KSR1: variants seen among roughly 807,000 people sequenced by gnomAD.
KSR1 encodes the protein kinase suppressor of ras.
KSR1 carries 35 observed loss-of-function variants against 92.9 expected under a neutral mutation model. The observed-to-expected ratio is 0.38, with a 90% CI of 0.29 to 0.50. KSR1 has a LOEUF of 0.50. Among genes scored for constraint, KSR1 ranks in the 20% least tolerant of loss-of-function variants. The pLI is 0.94. For missense variants in KSR1, 972 were observed against 1,158.5 expected (o/e 0.84, Z 2.34); for synonymous variants, 467 against 472.6 (o/e 0.99, Z 0.15).
At chr17:27,563,169 A>G (rs113869678) in intron 2 of KSR1, among the ~76,000 whole-genome samples, 20 of 151,824 alleles carry the variant, frequency 1.3e-4, no homozygotes, top group African/African-American at 4.8e-4. Context: ...TCCACTCTTT[A>G]CCCTCTTGAT....
chr17:27,484,271 G>A (rs1047336718), intron 1 of KSR1, among the ~76,000 whole-genome samples: 1 of 152,180 alleles, frequency 6.6e-6, no homozygotes, highest in Non-Finnish European at 1.5e-5. Context: ...TCGCTCTGTC[G>A]CCCAGGCTGG....
intron 6 of KSR1, among the ~76,000 whole-genome samples, chr17:27,590,395 G>A (rs1850665886): frequency 6.6e-6 from 1 of 152,192 alleles, no homozygotes; most frequent in South Asian, 2.1e-4. Flanking sequence ...TCCTATTGAT[G>A]GACACATAGG....
At position 27,559,969 on chromosome 17, in the gene KSR1, A is replaced by C. The variant is rs1567828009; in HGVS notation, c.372+9261A>C. Among the ~76,000 whole-genome samples the C allele has an allele frequency of 1.3e-5, 2 of 152,202 alleles. No individual in the cohort carries two copies. Among genetic ancestry groups the C allele is most frequent in the African/African-American group, 4.8e-5 (2 of 41,440 alleles). ...AGAGGGGCAGGAATTCCAAATGAACATTAGAATTGTTTAAAGGAAAATAAA... is the reference window on the plus strand; with the variant it reads ...AGAGGGGCAGGAATTCCAAATGAACCTTAGAATTGTTTAAAGGAAAATAAA... On this transcript the variant is annotated intron_variant, in intron 2 of 20. Transcript: ENST00000644974. This position sits in a 1 kb window ranked among gnomAD's most constrained non-coding sequence, Gnocchi z 4.2.
At chr17:27,553,097 C>T (rs1262020352) in intron 2 of KSR1, among the ~76,000 whole-genome samples, 2 of 152,218 alleles carry the variant, frequency 1.3e-5, no homozygotes, top group Non-Finnish European at 2.9e-5. Context: ...TGCCTGGATT[C>T]AGGCACCTGG....
chr17:27,585,454 C>A (rs2072929850), intron 4 of KSR1, among the ~76,000 whole-genome samples: 1 of 152,082 alleles, frequency 6.6e-6, no homozygotes, highest in African/African-American at 2.4e-5. Flanking sequence ...CTGGGGAATG[C>A]CCTTCTAGTC....
chr17:27,572,424 T>C (rs892827975), intron 2 of KSR1, among the ~76,000 whole-genome samples: 2 of 152,252 alleles, frequency 1.3e-5, no homozygotes, highest in African/African-American at 2.4e-5. Context: ...TTCCATATTT[T>C]GTTCTTTAGA....
intron 9 of KSR1, among the ~76,000 whole-genome samples, chr17:27,596,431 A>G (rs999544838): frequency 4.6e-5 from 7 of 152,240 alleles, no homozygotes; most frequent in Non-Finnish European, 1.5e-5. Context: ...CATGGCAAGC[A>G]CTGGTTGATG....
chr17:27,611,040 A>G (rs908587200), intron 17 of KSR1, among the ~76,000 whole-genome samples: 2 of 152,182 alleles, frequency 1.3e-5, no homozygotes, highest in East Asian at 1.9e-4. Flanking sequence ...TATCCTTCCC[A>G]GTGGGGTGGC....
chr17:27,474,771 C>T (rs1051779420), intron 1 of KSR1, among the ~76,000 whole-genome samples: 13 of 152,238 alleles, frequency 8.5e-5, no homozygotes, highest in African/African-American at 2.9e-4. Context: ...GTGGAACTTA[C>T]GCTTCAGTGT....
intron 14 of KSR1, 103 bp downstream of exon 14, chr17:27,605,916 A>G (rs1170954230): frequency 4.3e-6 from 6 of 1,410,242 alleles, no homozygotes; most frequent in Non-Finnish European, 5.7e-6. Context: ...AAGTTCTAAT[A>G]GAGGCATAAA....
At chr17:27,549,450 T>C (rs1205958203) in intron 1 of KSR1, among the ~76,000 whole-genome samples, 4 of 152,224 alleles carry the variant, frequency 2.6e-5, no homozygotes, top group Admixed American at 1.3e-4. Context: ...CATGCCCTCC[T>C]TGTGCTTCTC....
intron 2 of KSR1, among the ~76,000 whole-genome samples, chr17:27,565,480 A>G (rs1366678201): frequency 6.6e-6 from 1 of 152,240 alleles, no homozygotes. Flanking sequence ...GCTGGAGTGC[A>G]TTGGCACAAT....
intron 1 of KSR1, among the ~76,000 whole-genome samples, chr17:27,515,611 G>GTTTTTTTTTT (rs770675553): frequency 7.2e-4 from 78 of 109,014 alleles, no homozygotes; most frequent in African/African-American, 1.2e-3. Flanking sequence ...CTGCTTCGTA[G>GTTTTTTTTTT]TTTTTTTTTT....
At chr17:27,525,108 G>C (rs2070207582) in intron 1 of KSR1, among the ~76,000 whole-genome samples, 1 of 152,208 alleles carries the variant, frequency 6.6e-6, no homozygotes, top group Admixed American at 6.5e-5. Context: ...TAATTTGCAG[G>C]CCACTTATTT....
chr17:27,607,375 G>A lies in KSR1; in HGVS notation c.1995-539G>A, dbSNP rs573648113. 6.0e-4 allele frequency among the ~76,000 whole-genome samples: 91 copies of A among 152,100 alleles called. 2 individuals carry two copies. The South Asian group carries it at 0.017, about 29-fold the overall frequency. The stretch of plus-strand genomic sequence containing the variant: ...GGTTTTAGGAGTTGATGCAGGTGGC[G>A]ACCCCAGAACTGAAGCTCCTTTTCC... On this transcript the variant is annotated intron_variant, in intron 14 of 20. Transcript: ENST00000644974.
chr17:27,568,663 C>A lies in KSR1; in HGVS notation c.373-8829C>A, dbSNP rs768117472. Reference sequence around the variant, plus strand: ...TTGACCCCCAGGAGAGCTGGGGTCCCCCATGGGGAGTTACATCTCTAGCCA... The same window carrying A: ...TTGACCCCCAGGAGAGCTGGGGTCCACCATGGGGAGTTACATCTCTAGCCA... On this transcript the variant is annotated intron_variant, in intron 2 of 20. Transcript: ENST00000644974. Among the ~76,000 whole-genome samples, 20 of 152,230 alleles carry A rather than the reference C, an allele frequency of 1.3e-4. 1 individual carries two copies. Among genetic ancestry groups the A allele is most frequent in the Admixed American group, 6.5e-4 (10 of 15,288 alleles).
intron 1 of KSR1, among the ~76,000 whole-genome samples, chr17:27,500,048 T>G (rs1228005752): frequency 6.6e-6 from 1 of 152,196 alleles, no homozygotes; most frequent in Non-Finnish European, 1.5e-5. Flanking sequence ...GAAGGCACCT[T>G]CGGCGTCTGC....
intron 1 of KSR1, among the ~76,000 whole-genome samples, chr17:27,478,093 A>G (rs1263811828): frequency 3.3e-5 from 5 of 152,168 alleles, no homozygotes; most frequent in East Asian, 3.9e-4. Flanking sequence ...AGGACAGACT[A>G]TGTCATGACC....
Position 27,605,595 on chromosome 17 carries a change from G to A in KSR1, c.1776G>A (p.Glu592=). 6.2e-7 allele frequency: 1 copy of A among 1,601,414 alleles called. No homozygotes were observed. Among genetic ancestry groups the A allele is most frequent in the Non-Finnish European group, 8.5e-7 (1 of 1,174,706 alleles). The change falls in exon 14 of 21, where the codon GAG becomes GAA. Residue 592 remains glutamate (E), a synonymous_variant. Transcript: ENST00000644974. ...QEWDIPFEQV[E]LGEPIGQGRW... is the part of the protein sequence containing the mutation. ...GGGACATCCCCTTCGAGCAGGTAGA[G>A]CTGGGCGAGCCCATCGGGCAGGGCC...
Sources: allele counts gnomAD v4.1 joint callset (sites outside exome capture counted in the v4.1 genomes callset), GRCh38; gene constraint gnomAD v4.1.1; non-coding constraint Gnocchi (gnomAD v3.1); transcripts MANE v1.5; gene names NCBI Gene and HGNC (gene_info 2026-07-23, HGNC 2026-07-21).